COL27A1: variants seen among roughly 807,000 people sequenced by gnomAD.
COL27A1 encodes the protein collagen type XXVII alpha 1 chain, also known as collagen alpha-1(XXVII) chain.
COL27A1 carries 106 observed loss-of-function variants against 251.3 expected under a neutral mutation model. The ratio of observed to expected loss-of-function variants is 0.42; its 90% CI spans 0.36 to 0.50. The LOEUF is 0.50. Ranked by LOEUF, COL27A1 falls within the 20% of genes least tolerant of loss-of-function variation. The pLI is 0.00. For missense variants in COL27A1, 2,325 were observed against 2,522.8 expected (o/e 0.92, Z 1.68); for synonymous variants, 1,000 against 986.3 (o/e 1.01, Z -0.26).
rs1230704254 is a variant in COL27A1, at chr9:114,288,631, G to T, written c.4045-71G>T. ...CCCTGAGAGCTCCGCAGAGGTCGCGGCCAACAGGGCCCAGGGCTGGCATCC... is the reference window on the plus strand; with the variant it reads ...CCCTGAGAGCTCCGCAGAGGTCGCGTCCAACAGGGCCCAGGGCTGGCATCC... On this transcript the variant is annotated intron_variant, in intron 42 of 60. Transcript: ENST00000356083. The T allele has an allele frequency of 1.3e-5, 20 of 1,568,790 alleles. No individual in the cohort carries two copies. The Admixed American group carries it at 3.6e-4, about 28-fold the overall frequency.
rs1359455430 is a variant in COL27A1 at position 114,283,344 on chromosome 9, TAGG to T, written c.3880-359_3880-357del. On this transcript the variant is annotated intron_variant, in intron 39 of 60. Coordinates refer to ENST00000356083, the MANE Select transcript of COL27A1 (RefSeq NM_032888.4). ...TAGGAGGAAAATGTAGTAAAATGGC[TAGG>T]AGGAGATGAGTTTTGAGTATCCTCT... is the stretch of plus-strand genomic sequence containing the variant. Among the ~76,000 whole-genome samples the T allele has an allele frequency of 7.2e-5, 11 of 152,318 alleles. No homozygotes were observed. In the East Asian group the frequency reaches 2.1e-3, roughly 29 times the overall value.
At position 114,168,817 on chromosome 9, in the gene COL27A1, C is replaced by T. The variant is rs1472526673; in HGVS notation, c.1262C>T (p.Pro421Leu). ...SRPVPARVSR[P>L]AEKPIQRNPG... ...CCAGTTCCTGCCAGAGTCTCCCGTCCCGCAGAGAAGCCCATCCAGAGGAAC... is the reference window on the plus strand; with the variant it reads ...CCAGTTCCTGCCAGAGTCTCCCGTCTCGCAGAGAAGCCCATCCAGAGGAAC... The change falls in exon 3 of 61, where the codon CCC becomes CTC. Residue 421 changes from proline to leucine, a missense_variant. Pro to Leu is a moderately conservative substitution (Grantham distance 98). Coordinates refer to ENST00000356083, the MANE Select transcript of COL27A1 (RefSeq NM_032888.4). 1 of 1,614,046 alleles carries T rather than the reference C, an allele frequency of 6.2e-7. No individual in the cohort carries two copies. Among genetic ancestry groups the T allele is most frequent in the East Asian group, 2.2e-5 (1 of 44,860 alleles).
At position 114,162,839 on chromosome 9, in the gene COL27A1, T is replaced by C. The variant is rs1252321854; in HGVS notation, c.133+54T>C. 6 of 1,358,386 alleles carry C rather than the reference T, an allele frequency of 4.4e-6. No individual in the cohort carries two copies. The East Asian group carries it at 1.1e-4, about 26-fold the overall frequency. 84.1% of individuals were successfully genotyped at this position (1,358,386 alleles called of 1,614,324 possible). A position where few individuals can be genotyped will look rare whatever the true frequency, so the allele number is the denominator to read the frequency against. ...GAGACAAAGGAGAACGGAAGGGGCCTGAGAACTCAGGGGTAGGAGACAGCC... is the reference window on the plus strand; with the variant it reads ...GAGACAAAGGAGAACGGAAGGGGCCCGAGAACTCAGGGGTAGGAGACAGCC... On this transcript the variant is annotated intron_variant, in intron 2 of 60. Coordinates refer to ENST00000356083, the MANE Select transcript of COL27A1 (RefSeq NM_032888.4).
chr9:114,203,739 G>A (rs937270074), intron 7 of COL27A1, among the ~76,000 whole-genome samples: 43 of 152,142 alleles, frequency 2.8e-4, no homozygotes, highest in African/African-American at 9.4e-4. Context: ...GGGGGCTGAT[G>A]GGGGGTGTTG....
intron 32 of COL27A1, 64 bp downstream of exon 32, chr9:114,265,539 T>C (rs1473461639): frequency 9.1e-6 from 14 of 1,533,382 alleles, no homozygotes; most frequent in Admixed American, 6.7e-5. Context: ...GTGGGCCAGG[T>C]GGTCAGATAA....
Position 114,265,051 on chromosome 9 carries a change from C to T in COL27A1, c.3295-15C>T. On this transcript the variant is annotated splice_polypyrimidine_tract_variant and intron_variant, in intron 30 of 60. Coordinates refer to ENST00000356083, the MANE Select transcript of COL27A1 (RefSeq NM_032888.4). The stretch of plus-strand genomic sequence containing the variant: ...TGTGATCTGAGCCTGTAATGACCCC[C>T]ACATGTGCTTCCAGGGTGTGGCTGG... 1 of 1,613,820 alleles carries T rather than the reference C, an allele frequency of 6.2e-7. No homozygotes were observed. Among genetic ancestry groups the T allele is most frequent in the Admixed American group, 1.7e-5 (1 of 59,978 alleles).
Position 114,284,707 on chromosome 9 carries a change from T to G in COL27A1, c.3934-17T>G, listed in dbSNP as rs764191453. The G allele has an allele frequency of 3.1e-6, 5 of 1,613,904 alleles. No individual in the cohort carries two copies. The South Asian group carries it at 5.5e-5, about 18-fold the overall frequency. ...TGAGTCCTCATTCTCACTTCCCTCCTTCTTGTTTGCCTGCAGGGACACAAA... is the reference window on the plus strand; with the variant it reads ...TGAGTCCTCATTCTCACTTCCCTCCGTCTTGTTTGCCTGCAGGGACACAAA... On this transcript the variant is annotated splice_polypyrimidine_tract_variant and intron_variant, in intron 40 of 60. Transcript: ENST00000356083.
chr9:114,212,318 A>G (rs930982117), intron 12 of COL27A1, among the ~76,000 whole-genome samples: 16 of 152,232 alleles, frequency 1.1e-4, no homozygotes, highest in African/African-American at 3.6e-4. Flanking sequence ...ACCTCAGGCA[A>G]GGAGATTTGT....
At chr9:114,288,670 G>C in intron 42 of COL27A1, 32 bp from the exon 43 acceptor site, 4 of 1,600,342 alleles carry the variant, frequency 2.5e-6, no homozygotes, top group Non-Finnish European at 3.4e-6. Context: ...GCACCTGGTG[G>C]CCCAAATTTT....
chr9:114,263,815 G>C (rs777218066), intron 28 of COL27A1, among the ~76,000 whole-genome samples: 4 of 152,130 alleles, frequency 2.6e-5, no homozygotes, highest in African/African-American at 7.2e-5. Context: ...CCACCTCATG[G>C]GCTCTTCCTC....
chr9:114,298,862 G>A (rs1298537386), intron 49 of COL27A1, among the ~76,000 whole-genome samples: 1 of 152,150 alleles, frequency 6.6e-6, no homozygotes, highest in African/African-American at 2.4e-5. Context: ...AGGGGAGAAA[G>A]TATTTACGAA....
At chr9:114,166,197 A>G (rs983326299) in intron 2 of COL27A1, among the ~76,000 whole-genome samples, 3 of 148,244 alleles carry the variant, frequency 2.0e-5, no homozygotes, top group Non-Finnish European at 4.5e-5. Flanking sequence ...CCATTTATCT[A>G]TTCATCCATC....
rs779610682 is a variant in COL27A1, at chr9:114,168,231, C to A, written c.676C>A (p.His226Asn). ...TATCTACCCTGTGACGCAGGTCGCT[C>A]ACAATTACTGTACCCACCTGAGGAA... Reference protein sequence around the residue: ...FSIYPVTQVAHNYCTHLRKQC... With the variant: ...FSIYPVTQVANNYCTHLRKQC... The change falls in exon 3 of 61, where the codon CAC (histidine) becomes AAC (asparagine). Residue 226 changes from histidine (H) to asparagine (N), a missense_variant. Coordinates refer to ENST00000356083, the MANE Select transcript of COL27A1 (RefSeq NM_032888.4). 2.5e-6 allele frequency: 4 copies of A among 1,613,922 alleles called. No individual in the cohort carries two copies. Among genetic ancestry groups the A allele is most frequent in the Admixed American group, 3.3e-5 (2 of 60,016 alleles).
At position 114,301,269 on chromosome 9, in the gene COL27A1, C is replaced by T. The variant is rs551374988; in HGVS notation, c.4756-15C>T. The T allele has an allele frequency of 8.2e-6, 13 of 1,588,860 alleles. No individual in the cohort carries two copies. In the South Asian group the frequency reaches 8.8e-5, roughly 11 times the overall value. ...ACCTCTGGGCCCTGTCTCACTGGGC[C>T]GTGGTTTGTTGCAGGGTCCGAAGGG... On this transcript the variant is annotated splice_polypyrimidine_tract_variant and intron_variant, in intron 52 of 60. Transcript: ENST00000356083.
chr9:114,206,439 C>G, intron 10 of COL27A1, 143 bp downstream of exon 10: 1 of 812,304 alleles, frequency 1.2e-6, no homozygotes, highest in Non-Finnish European at 2.1e-6. Flanking sequence ...AGAGGGGCAG[C>G]AGGAGGGATG....
chr9:114,287,266 C>T (rs62555446), intron 41 of COL27A1, among the ~76,000 whole-genome samples: 10,486 of 152,226 alleles, frequency 0.069, 445 homozygotes, highest in African/African-American at 0.096. Context: ...CAGCCTCTTC[C>T]GGCCCCCTTT....
intron 13 of COL27A1, among the ~76,000 whole-genome samples, chr9:114,221,133 A>T (rs1332643125): frequency 6.6e-6 from 1 of 152,182 alleles, no homozygotes; most frequent in Non-Finnish European, 1.5e-5. Flanking sequence ...TGAGGAGTTC[A>T]TGGGCCATTG....
intron 56 of COL27A1, 70 bp downstream of exon 56, chr9:114,302,178 G>A (rs1588897500): frequency 7.0e-6 from 9 of 1,284,364 alleles, no homozygotes; most frequent in East Asian, 6.9e-5. Flanking sequence ...GAGGCTGCTG[G>A]CCCTCTCTGG....
At chr9:114,155,504 A>AC (rs771550290), upstream of COL27A1, 4 of 151,996 alleles carry the variant, frequency 2.6e-5, no homozygotes, top group Non-Finnish European at 5.9e-5. This position sits in a 1 kb window ranked among gnomAD's most constrained non-coding sequence, Gnocchi z 5.5. Flanking sequence ...GCGGGCCGAG[A>AC]CTTTAAATCG....
Sources: gnomAD v4.1 joint callset for allele counts (sites outside exome capture counted in the v4.1 genomes callset) on GRCh38, gnomAD v4.1.1 for gene constraint, Gnocchi (gnomAD v3.1) non-coding constraint, MANE v1.5 for transcripts, NCBI Gene and HGNC (gene_info 2026-07-23, HGNC 2026-07-21) for gene names.